RAPGEF2: variants seen among roughly 807,000 people sequenced by gnomAD.
RAPGEF2 encodes the protein Rap guanine nucleotide exchange factor 2.
A neutral mutation model predicts 186.7 loss-of-function variants in RAPGEF2; 54 were observed. The observed-to-expected ratio is 0.29, with a 90% CI of 0.23 to 0.36. RAPGEF2 has a LOEUF of 0.36. Among genes scored for constraint, RAPGEF2 ranks in the 10% least tolerant of loss-of-function variants. The pLI, the probability that RAPGEF2 is intolerant of heterozygous loss-of-function variation, is 1.00. For synonymous variants in RAPGEF2, 712 were observed against 705.9 expected, an observed-to-expected ratio of 1.01 and a Z score of -0.14; for missense variants, 1,532 against 2,045.0, an observed-to-expected ratio of 0.75 and a Z score of 4.84.
At chr4:159,129,724 T>C (rs1740799176) in intron 1 of RAPGEF2, among the ~76,000 whole-genome samples, 1 of 152,146 alleles carries the variant, frequency 6.6e-6, no homozygotes, top group South Asian at 2.1e-4. Context: ...AGTTCTAATT[T>C]AGTTAGGATG....
chr4:159,237,340 G>A (rs1319268141), intron 4 of RAPGEF2, among the ~76,000 whole-genome samples: 1 of 152,116 alleles, frequency 6.6e-6, no homozygotes, highest in African/African-American at 2.4e-5. Context: ...TTTGGAAAAG[G>A]ACTTAATTAT....
intron 11 of RAPGEF2, chr4:159,328,583 A>C (rs1766248666): frequency 6.6e-6 from 1 of 152,220 alleles, no homozygotes; most frequent in Non-Finnish European, 1.5e-5. Flanking sequence ...AAGCATGAAA[A>C]ATATAGAAAG....
chr4:159,278,314 G>A (rs1291114024), intron 7 of RAPGEF2, among the ~76,000 whole-genome samples: 1 of 152,056 alleles, frequency 6.6e-6, no homozygotes, highest in Non-Finnish European at 1.5e-5. Context: ...TAGAACACAG[G>A]GTTTGAAGAA....
intron 3 of RAPGEF2, among the ~76,000 whole-genome samples, chr4:159,208,929 C>T (rs1750230233): frequency 6.6e-6 from 1 of 151,764 alleles, no homozygotes; most frequent in South Asian, 2.1e-4. Flanking sequence ...CTCGCCATGG[C>T]ACCCAGGCTG....
intron 1 of RAPGEF2, among the ~76,000 whole-genome samples, chr4:159,183,746 A>T (rs1167200342): frequency 6.6e-6 from 1 of 151,980 alleles, no homozygotes; most frequent in Non-Finnish European, 1.5e-5. Flanking sequence ...TGAACAAAGA[A>T]TTTTTTTTAT....
intron 4 of RAPGEF2, among the ~76,000 whole-genome samples, chr4:159,214,593 A>G (rs1404428696): frequency 6.6e-6 from 1 of 152,254 alleles, no homozygotes; most frequent in Non-Finnish European, 1.5e-5. Flanking sequence ...CATTCTATGA[A>G]TGATGAAGCT....
intron 7 of RAPGEF2, among the ~76,000 whole-genome samples, chr4:159,273,590 CCTT>C (rs1758385396): frequency 6.6e-6 from 1 of 151,978 alleles, no homozygotes; most frequent in South Asian, 2.1e-4. Context: ...CAGTTATTCT[CCTT>C]TAACCATTTA....
Position 159,202,833 on chromosome 4 carries a change from C to T in RAPGEF2, c.198-7667C>T, listed in dbSNP as rs111893819. 2.3e-3 allele frequency among the ~76,000 whole-genome samples: 345 copies of T among 152,238 alleles called. 2 individuals are homozygous for T. The highest frequency in any genetic ancestry group is 8.0e-3 in the African/African-American group (333 of 41,508). On this transcript the variant is annotated intron_variant, in intron 3 of 29. Transcript: ENST00000691494. ...GCCAGGTAGATCTCAAACTCCTGAC[C>T]TCAGGTGATCCACCTGCCTCTGCCT...
rs189497429 is a variant in RAPGEF2, at chr4:159,342,233, T to G, written c.2918+286T>G. On this transcript the variant is annotated intron_variant, in intron 20 of 29. Coordinates refer to ENST00000691494, the MANE Select transcript of RAPGEF2 (RefSeq NM_001394067.2). ...GCTCAGAAAATCTATATCCCCCACT[T>G]TTTTTTTAAGTTTGTTTCAACTTTT... Among the ~76,000 whole-genome samples the G allele has an allele frequency of 2.6e-3, 401 of 151,888 alleles. 1 individual carries two copies. The highest frequency in any genetic ancestry group is 8.4e-3 in the African/African-American group (348 of 41,462).
intron 9 of RAPGEF2, among the ~76,000 whole-genome samples, chr4:159,319,054 A>T (rs1764935506): frequency 2.0e-5 from 3 of 152,064 alleles, no homozygotes; most frequent in Admixed American, 2.0e-4. Context: ...TGTCCTGAGG[A>T]TTTTCCTAGT....
chr4:159,231,269 G>C (rs1306657845), intron 4 of RAPGEF2, among the ~76,000 whole-genome samples: 1 of 152,058 alleles, frequency 6.6e-6, no homozygotes, highest in Non-Finnish European at 1.5e-5. Context: ...TATATTCTGT[G>C]ATGGTCACAC....
At chr4:159,193,744 A>G (rs2111316694) in intron 3 of RAPGEF2, among the ~76,000 whole-genome samples, 1 of 152,384 alleles carries the variant, frequency 6.6e-6, no homozygotes, top group African/African-American at 2.4e-5. Context: ...TTAAGAAAAG[A>G]CAGCGTATTC....
chr4:159,352,029 C>G (rs1731258600), intron 26 of RAPGEF2, among the ~76,000 whole-genome samples: 2 of 152,178 alleles, frequency 1.3e-5, no homozygotes, highest in South Asian at 2.1e-4. Flanking sequence ...AGTTAAGGGT[C>G]CTTTCAGGCC....
At chr4:159,338,214 A>G (rs1312892144) in intron 17 of RAPGEF2, 97 bp from the exon 18 acceptor site, 6 of 1,153,484 alleles carry the variant, frequency 5.2e-6, no homozygotes, top group Non-Finnish European at 7.0e-6. Flanking sequence ...GCTGCAAAAA[A>G]AAAATGGAAT....
intron 7 of RAPGEF2, among the ~76,000 whole-genome samples, chr4:159,251,222 C>T (rs976081468): frequency 5.3e-5 from 8 of 152,256 alleles, no homozygotes; most frequent in African/African-American, 1.4e-4. Flanking sequence ...CCCCACCCTC[C>T]GTGGGCTCCC....
intron 1 of RAPGEF2, among the ~76,000 whole-genome samples, chr4:159,115,907 C>T (rs192573559): frequency 6.6e-6 from 1 of 152,206 alleles, no homozygotes; most frequent in Non-Finnish European, 1.5e-5. Flanking sequence ...AAACTGGGCA[C>T]CTTCCTTACA....
At chr4:159,318,961 G>A (rs1175058840) in intron 9 of RAPGEF2, among the ~76,000 whole-genome samples, 1 of 152,054 alleles carries the variant, frequency 6.6e-6, no homozygotes, top group Non-Finnish European at 1.5e-5. Context: ...CATTCTAATA[G>A]GTAAGTGTAT....
rs971952407 is a variant in RAPGEF2 at position 159,314,629 on chromosome 4, G to A, written c.714G>A (p.Gly238=). 8 of 1,613,826 alleles carry A rather than the reference G, an allele frequency of 5.0e-6. No individual in the cohort carries two copies. Among genetic ancestry groups the A allele is most frequent in the Non-Finnish European group, 5.1e-6 (6 of 1,179,898 alleles). Residue 238 remains glycine (G), a synonymous_variant, in exon 9 of 30, where the codon GGG becomes GGA. Coordinates refer to ENST00000691494, the MANE Select transcript of RAPGEF2 (RefSeq NM_001394067.2). ...ESEAGDMDLS[G]LPETAVDSED... ...AGGCTGGTGATATGGACCTGAGTGG[G>A]TTGCCAGAAACAGCAGTGGATTCCG...
chr4:159,301,403 G>A (rs1266938496), intron 7 of RAPGEF2, among the ~76,000 whole-genome samples: 2 of 152,062 alleles, frequency 1.3e-5, no homozygotes. Context: ...TAATAGTATT[G>A]TTATCCTAAT....
Sources: allele counts gnomAD v4.1 joint callset (sites outside exome capture counted in the v4.1 genomes callset), GRCh38; gene constraint gnomAD v4.1.1; transcripts MANE v1.5; gene names NCBI Gene and HGNC (gene_info 2026-07-23, HGNC 2026-07-21).